Variants in MAPRE2 observed in about 807,000 individuals in gnomAD.
MAPRE2 encodes the protein microtubule-associated protein RP/EB family member 2.
In MAPRE2, 13 loss-of-function variants were observed where a neutral mutation model predicts 43.2. The ratio of observed to expected loss-of-function variants is 0.30; its 90% CI spans 0.20 to 0.48. The LOEUF is 0.48. Among genes scored for constraint, MAPRE2 ranks in the 20% least tolerant of loss-of-function variants. The pLI is 0.99. For missense variants in MAPRE2, 161 were observed against 400.2 expected (o/e 0.40, Z 5.10); for synonymous variants, 135 against 148.8 (o/e 0.91, Z 0.68).
rs115435730 is a variant in MAPRE2 at position 34,992,261 on chromosome 18, T to C, written c.-69-13231T>C. Among the ~76,000 whole-genome samples, 1,511 of 152,326 alleles carry C rather than the reference T, an allele frequency of 9.9e-3. 24 individuals carry two copies. Among genetic ancestry groups the C allele is most frequent in the African/African-American group, 0.034 (1,426 of 41,578 alleles). On this transcript the variant is annotated intron_variant, in intron 1 of 7. Coordinates refer to the MAPRE2 transcript ENST00000413393. ...GGAGACAGCAATAGCTACTAAAATA[T>C]TCAAAAGAAAACATGAAGTAAGACA...
intron 4 of MAPRE2, among the ~76,000 whole-genome samples, chr18:35,109,476 T>C (rs1033869669): frequency 6.6e-6 from 1 of 152,214 alleles, no homozygotes; most frequent in Admixed American, 6.5e-5. Context: ...TAAAATAGTT[T>C]TTTACTAATT....
At chr18:34,987,628 A>G (rs1026174598) in intron 1 of MAPRE2, among the ~76,000 whole-genome samples, 2 of 152,094 alleles carry the variant, frequency 1.3e-5, no homozygotes, top group Non-Finnish European at 2.9e-5. Context: ...CATTTATAAT[A>G]TTATGAATCA....
intron 2 of MAPRE2, among the ~76,000 whole-genome samples, chr18:35,011,629 A>G (rs1378091592): frequency 6.6e-6 from 1 of 152,178 alleles, no homozygotes; most frequent in East Asian, 1.9e-4. Flanking sequence ...AGGAAGGGAC[A>G]TGATTAGACA....
chr18:35,008,564 C>T (rs188597254), intron 2 of MAPRE2, among the ~76,000 whole-genome samples: 6 of 152,260 alleles, frequency 3.9e-5, no homozygotes, highest in Admixed American at 2.6e-4. Flanking sequence ...GTCATCAGAA[C>T]TATTATTGGA....
intron 1 of MAPRE2, among the ~76,000 whole-genome samples, chr18:35,048,967 C>A (rs1905796052): frequency 6.6e-6 from 1 of 152,062 alleles, no homozygotes; most frequent in Non-Finnish European, 1.5e-5. Flanking sequence ...TTGCGTATGA[C>A]TAAAAAGATG....
chr18:35,040,646 G>A (rs1000802978), upstream of MAPRE2, among the ~76,000 whole-genome samples: 1 of 152,188 alleles, frequency 6.6e-6, no homozygotes, highest in Non-Finnish European at 1.5e-5. Flanking sequence ...TAATTCAAAT[G>A]GAAATAGAAT....
chr18:34,984,970 AATATATAAAATATATT>A (rs2097018560), intron 1 of MAPRE2, among the ~76,000 whole-genome samples: 3 of 75,396 alleles, frequency 4.0e-5, no homozygotes, highest in African/African-American at 1.0e-4. Context: ...TAAAATATAT[AATATATAAAATATATT>A]ATATATAAAA....
At chr18:35,095,145 C>T (rs1908342088) in intron 2 of MAPRE2, among the ~76,000 whole-genome samples, 2 of 151,842 alleles carry the variant, frequency 1.3e-5, no homozygotes, top group South Asian at 4.2e-4. Context: ...AAACTTGAGA[C>T]CATAAAAGTA....
intron 1 of MAPRE2, among the ~76,000 whole-genome samples, chr18:35,042,556 C>A (rs754823554): frequency 2.0e-5 from 3 of 152,142 alleles, no homozygotes; most frequent in Admixed American, 2.0e-4. Flanking sequence ...ATAAGGATAA[C>A]AATGTAATGG....
intron 1 of MAPRE2, among the ~76,000 whole-genome samples, chr18:35,061,241 A>C (rs1286978561): frequency 6.6e-6 from 1 of 152,238 alleles, no homozygotes; most frequent in Non-Finnish European, 1.5e-5. Context: ...AAACCTGATA[A>C]AACTCACATT....
chr18:35,065,468 A>G (rs1906789508), intron 1 of MAPRE2, among the ~76,000 whole-genome samples: 1 of 152,202 alleles, frequency 6.6e-6, no homozygotes, highest in Non-Finnish European at 1.5e-5. Context: ...GTGGTGACCC[A>G]GGGACTGCAG....
intron 1 of MAPRE2, among the ~76,000 whole-genome samples, chr18:35,063,258 C>T (rs938966614): frequency 6.6e-6 from 1 of 152,092 alleles, no homozygotes; most frequent in Admixed American, 6.5e-5. Context: ...CGCACACCAC[C>T]ACGCCTGGCT....
intron 6 of MAPRE2, among the ~76,000 whole-genome samples, chr18:35,136,546 G>A (rs898691994): frequency 4.9e-4 from 74 of 152,336 alleles, no homozygotes; most frequent in African/African-American, 1.6e-3. Flanking sequence ...ACTTCACAGC[G>A]AAGATGGCAT....
intron 2 of MAPRE2, among the ~76,000 whole-genome samples, chr18:35,009,707 T>A (rs2150582466): frequency 6.6e-6 from 1 of 152,364 alleles, no homozygotes; most frequent in African/African-American, 2.4e-5. Context: ...CGGTGAGACC[T>A]ACAACTTGGC....
At chr18:35,057,379 C>T (rs1400336850) in intron 1 of MAPRE2, among the ~76,000 whole-genome samples, 1 of 152,118 alleles carries the variant, frequency 6.6e-6, no homozygotes, top group Non-Finnish European at 1.5e-5. Context: ...CTGGAATGCT[C>T]AGTTTCTGTA....
chr18:35,021,254 T>C (rs1453116786), intron 2 of MAPRE2, among the ~76,000 whole-genome samples: 2 of 152,180 alleles, frequency 1.3e-5, no homozygotes, highest in Non-Finnish European at 2.9e-5. Flanking sequence ...AAGTATATTC[T>C]AGAAAAATTC....
chr18:35,011,390 C>A (rs1443525758), intron 2 of MAPRE2, among the ~76,000 whole-genome samples: 1 of 152,140 alleles, frequency 6.6e-6, no homozygotes, highest in East Asian at 1.9e-4. Flanking sequence ...ATAAGAGAAG[C>A]ATTTGGCATA....
chr18:34,984,879 GTTATATAATATAT>G (rs2097018314), intron 1 of MAPRE2, among the ~76,000 whole-genome samples: 2 of 66,134 alleles, frequency 3.0e-5, no homozygotes, highest in South Asian at 4.6e-4. Context: ...TATATTTTAT[GTTATATAATATAT>G]AATATATTTT....
intron 1 of MAPRE2, among the ~76,000 whole-genome samples, chr18:34,989,524 A>G (rs2097022672): frequency 6.6e-6 from 1 of 152,136 alleles, no homozygotes; most frequent in South Asian, 2.1e-4. Flanking sequence ...AGCCTGGGCA[A>G]CATAGTGAGA....
Sources: gnomAD v4.1 joint callset for allele counts (sites outside exome capture counted in the v4.1 genomes callset) on GRCh38, gnomAD v4.1.1 for gene constraint, MANE v1.5 for transcripts, NCBI Gene and HGNC (gene_info 2026-07-23, HGNC 2026-07-21) for gene names.